Variants in ABCD3 observed in about 807,000 individuals in gnomAD.
ABCD3 encodes the protein ATP binding cassette subfamily D member 3, also known as ATP-binding cassette sub-family D member 3.
Under a neutral mutation model 105.5 loss-of-function variants are expected in ABCD3, and 41 were observed. That is an observed-to-expected ratio of 0.39 (90% CI 0.30 to 0.50). ABCD3 has a LOEUF of 0.50. Among genes scored for constraint, ABCD3 ranks in the 20% least tolerant of loss-of-function variants. The pLI is 0.84. For missense variants in ABCD3, 622 were observed against 806.3 expected, an observed-to-expected ratio of 0.77 and a Z score of 2.77; for synonymous variants, 258 against 269.0, an observed-to-expected ratio of 0.96 and a Z score of 0.40.
At chr1:94,404,870 C>T in the ABCD3 span, among the ~76,000 whole-genome samples, 3 of 147,956 alleles carry the variant, frequency 2.0e-5, no homozygotes, top group East Asian at 6.0e-4. Context: ...TATTTTGAGG[C>T]GGAGGTTGCA....
intron 4 of ABCD3, among the ~76,000 whole-genome samples, chr1:94,470,877 A>G (rs966514092): frequency 1.3e-5 from 2 of 152,134 alleles, no homozygotes; most frequent in African/African-American, 4.8e-5. Context: ...TTTTATAGCA[A>G]TCATTCTTTT....
intron 1 of ABCD3, among the ~76,000 whole-genome samples, chr1:94,422,989 C>T (rs184735982): frequency 1.1e-4 from 16 of 152,320 alleles, no homozygotes; most frequent in African/African-American, 2.6e-4. Context: ...TCAATCTGGT[C>T]TTACTTTACC....
intron 7 of ABCD3, among the ~76,000 whole-genome samples, chr1:94,476,648 G>C (rs979910552): frequency 2.0e-5 from 3 of 152,136 alleles, no homozygotes; most frequent in African/African-American, 7.2e-5. Flanking sequence ...GAATGTTCTT[G>C]CTTCAACCAG....
intron 1 of ABCD3, among the ~76,000 whole-genome samples, chr1:94,444,035 G>C (rs916741632): frequency 5.3e-5 from 8 of 151,680 alleles, no homozygotes; most frequent in African/African-American, 1.9e-4. Context: ...GCTTCTATCT[G>C]TGTTTTTATA....
the ABCD3 span, among the ~76,000 whole-genome samples, chr1:94,407,306 A>G: frequency 2.6e-5 from 4 of 151,984 alleles, no homozygotes; most frequent in East Asian, 7.7e-4. Flanking sequence ...ATGCACCACC[A>G]TGCCCGGCTA....
At position 94,487,951 on chromosome 1, in the gene ABCD3, T is replaced by C; in HGVS notation, c.1125T>C (p.Val375=). 6.2e-7 allele frequency: 1 copy of C among 1,613,784 alleles called. No individual in the cohort carries two copies. Among genetic ancestry groups the C allele is most frequent in the Admixed American group, 1.7e-5 (1 of 59,996 alleles). Residue 375 remains valine (V), a synonymous_variant, in exon 13 of 23, where the codon GTT becomes GTC. Coordinates refer to ENST00000370214, the MANE Select transcript of ABCD3 (RefSeq NM_002858.4). ...LRMSQALGRI[V]LAGREMTRLA... ...TGTCTCAAGCTCTGGGTCGAATAGT[T>C]TTGGCTGGGCGTGAAATGACTAGAT...
At chr1:94,395,168 TC>T in the ABCD3 span, among the ~76,000 whole-genome samples, 1 of 152,024 alleles carries the variant, frequency 6.6e-6, no homozygotes, top group African/African-American at 2.4e-5. Context: ...CTCTCAATAC[TC>T]CCCCTAGCAA....
At chr1:94,396,093 G>T in the ABCD3 span, among the ~76,000 whole-genome samples, 2 of 152,062 alleles carry the variant, frequency 1.3e-5, no homozygotes, top group Non-Finnish European at 2.9e-5. Flanking sequence ...CTTGGTTATT[G>T]TGTGTGCTCA....
At chr1:94,510,871 G>A (rs1650634195) in intron 21 of ABCD3, among the ~76,000 whole-genome samples, 1 of 151,316 alleles carries the variant, frequency 6.6e-6, no homozygotes, top group Admixed American at 6.6e-5. Flanking sequence ...CTTTTATTTT[G>A]AGCCTATGTG....
chr1:94,456,994 G>A (rs962519313), intron 1 of ABCD3, among the ~76,000 whole-genome samples: 2 of 152,070 alleles, frequency 1.3e-5, no homozygotes, highest in African/African-American at 4.8e-5. Context: ...TTTTTCTGAT[G>A]ATTAGTGATG....
chr1:94,492,319 TTTTAA>T (rs1349864692), intron 16 of ABCD3, among the ~76,000 whole-genome samples: 2 of 152,184 alleles, frequency 1.3e-5, no homozygotes, highest in African/African-American at 4.8e-5. Flanking sequence ...TTGGACTTGT[TTTTAA>T]TTTGTTACAG....
intron 1 of ABCD3, among the ~76,000 whole-genome samples, chr1:94,424,464 C>A (rs1315686704): frequency 6.6e-6 from 1 of 151,932 alleles, no homozygotes; most frequent in African/African-American, 2.4e-5. Context: ...ACTCTCTCAC[C>A]CATGCTGGAG....
intron 1 of ABCD3, among the ~76,000 whole-genome samples, chr1:94,443,730 A>AT (rs994888578): frequency 1.3e-5 from 2 of 152,096 alleles, no homozygotes; most frequent in Admixed American, 6.6e-5. Context: ...TGTTTATTGA[A>AT]TGGGGTGTCC....
At chr1:94,489,367 C>T (rs956995540) in intron 13 of ABCD3, among the ~76,000 whole-genome samples, 1 of 152,004 alleles carries the variant, frequency 6.6e-6, no homozygotes, top group Non-Finnish European at 1.5e-5. Context: ...GTCACTTCAG[C>T]AAGAGATCAG....
intron 1 of ABCD3, among the ~76,000 whole-genome samples, chr1:94,428,668 C>T (rs576662485): frequency 7.5e-4 from 114 of 152,216 alleles, no homozygotes; most frequent in African/African-American, 2.7e-3. Flanking sequence ...TTTTTGCCTG[C>T]CGCCATCCAC....
chr1:94,400,506 G>T, the ABCD3 span, among the ~76,000 whole-genome samples: 4 of 152,142 alleles, frequency 2.6e-5, no homozygotes, highest in South Asian at 6.2e-4. Context: ...TGGAATTTGT[G>T]TATTAGCTGT....
intron 4 of ABCD3, among the ~76,000 whole-genome samples, chr1:94,469,344 A>T (rs1247615675): frequency 6.6e-6 from 1 of 152,074 alleles, no homozygotes; most frequent in Non-Finnish European, 1.5e-5. Flanking sequence ...AAAATTATAT[A>T]ATTTTTGGTT....
intron 21 of ABCD3, among the ~76,000 whole-genome samples, chr1:94,510,999 T>G (rs1300821032): frequency 6.6e-6 from 1 of 152,166 alleles, no homozygotes; most frequent in African/African-American, 2.4e-5. Context: ...ACATTTAAAG[T>G]TAATAATGTT....
In ABCD3 at chr1:94,503,158, T is replaced by C. The variant is rs527426813; in HGVS notation, c.1741-3380T>C. On this transcript the variant is annotated intron_variant, in intron 20 of 22. Transcript: ENST00000370214. ...AGTGTGGCCCAGGGAAACCAAAAAA[T>C]TGGACACTCCTGCTTTACAACTTTC... Among the ~76,000 whole-genome samples, 3 of 152,272 alleles carry C rather than the reference T, an allele frequency of 2.0e-5. No individual in the cohort carries two copies. In the South Asian group the frequency reaches 6.2e-4, roughly 32 times the overall value.
Sources: gnomAD v4.1 joint callset for allele counts (sites outside exome capture counted in the v4.1 genomes callset) on GRCh38, gnomAD v4.1.1 for gene constraint, MANE v1.5 for transcripts, NCBI Gene and HGNC (gene_info 2026-07-23, HGNC 2026-07-21) for gene names.